The following CMSS1 variants were observed in gnomAD, a reference collection of about 807,000 sequenced individuals.
The protein encoded by CMSS1 is cms1 ribosomal small subunit homolog.
In CMSS1, 33 loss-of-function variants were observed where a neutral mutation model predicts 43.5. The ratio of observed to expected loss-of-function variants is 0.76; its 90% confidence interval spans 0.57 to 1.01. The LOEUF (loss-of-function observed/expected upper bound fraction) is 1.01. CMSS1 is among the 50% of genes least tolerant of loss of function. The pLI is 0.00. For missense variants in CMSS1, 313 were observed against 326.4 expected, an observed-to-expected ratio of 0.96 and a Z score of 0.32; for synonymous variants, 115 against 117.2, an observed-to-expected ratio of 0.98 and a Z score of 0.12.
At chr3:99,876,009 T>G (rs1033136373) in intron 1 of CMSS1, 1 of 976,854 alleles carries the variant, frequency 1.0e-6, no homozygotes, top group Admixed American at 6.1e-5. Context: ...ACCCACAGAC[T>G]TGCTACCTGG....
intron 1 of CMSS1, among the ~76,000 whole-genome samples, chr3:100,061,501 T>C (rs371723560): frequency 1.5e-4 from 23 of 152,382 alleles, no homozygotes; most frequent in East Asian, 7.7e-4. Flanking sequence ...ACTATTTTAT[T>C]TCTTATTAAT....
At position 100,054,549 on chromosome 3, in the gene CMSS1, T is replaced by C. The variant is rs1375276949; in HGVS notation, c.65-92424T>C. Among the ~76,000 whole-genome samples the C allele has an allele frequency of 2.7e-5, 4 of 149,224 alleles. No individual in the cohort carries two copies. In the South Asian group the frequency reaches 6.5e-4, roughly 24 times the overall value. ...TATGTTATGTTATGTTATGTCATGT[T>C]ATGTTGTTACCTACCTGCCCCTGTT... On this transcript the variant is annotated intron_variant, in intron 1 of 9. Transcript: ENST00000421999.
chr3:100,175,794 G>A (rs1320169645), intron 8 of CMSS1, among the ~76,000 whole-genome samples: 1 of 152,134 alleles, frequency 6.6e-6, no homozygotes, highest in African/African-American at 2.4e-5. Context: ...AGACAAACAG[G>A]AAAGCAGAGA....
At chr3:99,897,129 T>C (rs151301104) in intron 1 of CMSS1, among the ~76,000 whole-genome samples, 1,761 of 152,070 alleles carry the variant, frequency 0.012, 18 homozygotes, top group African/African-American at 0.026. Flanking sequence ...GAGGCAGAGG[T>C]GGGCAGATCA....
At chr3:100,117,844 T>TAC (rs1327074470) in intron 1 of CMSS1, among the ~76,000 whole-genome samples, 3 of 99,310 alleles carry the variant, frequency 3.0e-5, no homozygotes, top group Non-Finnish European at 6.1e-5. Flanking sequence ...TATATATATA[T>TAC]ATATATATAC....
intron 1 of CMSS1, among the ~76,000 whole-genome samples, chr3:99,915,594 T>C (rs1706926411): frequency 6.6e-6 from 1 of 151,798 alleles, no homozygotes; most frequent in Non-Finnish European, 1.5e-5. Flanking sequence ...CTAAGTAGAG[T>C]GATTTACCAA....
At chr3:99,848,948 G>A (rs1943511443) in intron 1 of CMSS1, 1 of 1,613,986 alleles carries the variant, frequency 6.2e-7, no homozygotes, top group Non-Finnish European at 8.5e-7. Flanking sequence ...TTTTGTACAT[G>A]GTCTGGAGTA....
intron 1 of CMSS1, chr3:99,874,156 T>TA (rs1705385896): frequency 1.3e-5 from 2 of 152,204 alleles, no homozygotes; most frequent in Admixed American, 1.3e-4. Flanking sequence ...TTTTAAATTT[T>TA]AAAAAATCGA....
chr3:99,980,032 A>G (rs1409224029), intron 1 of CMSS1, among the ~76,000 whole-genome samples: 1 of 151,896 alleles, frequency 6.6e-6, no homozygotes, highest in Non-Finnish European at 1.5e-5. Flanking sequence ...CACTGGGGGG[A>G]AAGAATTCTA....
chr3:100,101,692 C>T (rs1472802367), intron 1 of CMSS1, among the ~76,000 whole-genome samples: 1 of 152,026 alleles, frequency 6.6e-6, no homozygotes, highest in African/African-American at 2.4e-5. Flanking sequence ...CATATGTATA[C>T]ATGTGCCATG....
chr3:99,921,156 C>T (rs1490482077), intron 1 of CMSS1, among the ~76,000 whole-genome samples: 5 of 152,078 alleles, frequency 3.3e-5, no homozygotes, highest in Non-Finnish European at 1.5e-5. Flanking sequence ...CAGCTGTGTC[C>T]TTGAGAGAAA....
At chr3:100,054,512 G>C (rs1425638912) in intron 1 of CMSS1, among the ~76,000 whole-genome samples, 1 of 151,676 alleles carries the variant, frequency 6.6e-6, no homozygotes, top group Non-Finnish European at 1.5e-5. Flanking sequence ...GTTATGTTAT[G>C]TTATGTTATG....
chr3:99,818,336 T>A lies in CMSS1; in HGVS notation c.64+293T>A, dbSNP rs9841758. Among the ~76,000 whole-genome samples the A allele has an allele frequency of 5.0e-3, 763 of 152,292 alleles. 6 individuals are homozygous for A. Among genetic ancestry groups the A allele is most frequent in the African/African-American group, 0.017 (720 of 41,566 alleles). ...ACAGTTTTTGTGAAGAGAGGCAACTTTGTATGATGGTTAAGGGTGACCCAT... is the reference window on the plus strand; with the variant it reads ...ACAGTTTTTGTGAAGAGAGGCAACTATGTATGATGGTTAAGGGTGACCCAT... On this transcript the variant is annotated intron_variant, in intron 1 of 9. Transcript: ENST00000421999.
At chr3:99,900,919 A>G (rs187401408) in intron 1 of CMSS1, among the ~76,000 whole-genome samples, 1 of 152,314 alleles carries the variant, frequency 6.6e-6, no homozygotes, top group East Asian at 1.9e-4. Flanking sequence ...GCCCTAGAGT[A>G]TGCCTGAGGG....
intron 1 of CMSS1, among the ~76,000 whole-genome samples, chr3:99,931,905 C>T (rs373829925): frequency 4.6e-5 from 7 of 152,134 alleles, no homozygotes; most frequent in Non-Finnish European, 7.4e-5. Context: ...TTATAATTGA[C>T]TCTATGGCAT....
intron 1 of CMSS1, among the ~76,000 whole-genome samples, chr3:100,038,419 C>A (rs1392985682): frequency 1.3e-5 from 2 of 152,066 alleles, no homozygotes; most frequent in African/African-American, 4.8e-5. Flanking sequence ...CAAATTATTT[C>A]TTTTTTCACC....
At chr3:100,006,085 A>G (rs1403986207) in intron 1 of CMSS1, among the ~76,000 whole-genome samples, 2 of 152,182 alleles carry the variant, frequency 1.3e-5, no homozygotes, top group African/African-American at 4.8e-5. Context: ...TAGACCAGAA[A>G]GCCCTTAGCC....
chr3:100,127,870 C>G (rs939376685), intron 1 of CMSS1, among the ~76,000 whole-genome samples: 2 of 152,172 alleles, frequency 1.3e-5, no homozygotes, highest in African/African-American at 4.8e-5. Context: ...TACTGTCAGT[C>G]TAGTTATCTT....
At chr3:100,116,089 T>G (rs1174297785) in intron 1 of CMSS1, among the ~76,000 whole-genome samples, 1 of 152,248 alleles carries the variant, frequency 6.6e-6, no homozygotes, top group Admixed American at 6.5e-5. Context: ...GTATTCTTCT[T>G]AATCATATCA....
Sources: gnomAD v4.1 joint callset for allele counts (sites outside exome capture counted in the v4.1 genomes callset) on GRCh38, gnomAD v4.1.1 for gene constraint, MANE v1.5 for transcripts, NCBI Gene and HGNC (gene_info 2026-07-23, HGNC 2026-07-21) for gene names.